RALYL: variants seen among roughly 807,000 people sequenced by gnomAD.
RALYL encodes the protein RNA-binding Raly-like protein.
A neutral mutation model predicts 35.1 loss-of-function variants in RALYL; 29 were observed. That is an observed-to-expected ratio of 0.83 (90% CI 0.61 to 1.13). RALYL has a LOEUF of 1.13. Among genes scored for constraint, RALYL ranks in the 50% most tolerant of loss-of-function variants. The pLI, the probability that RALYL is intolerant of heterozygous loss-of-function variation, is 0.00. For synonymous variants in RALYL, 120 were observed against 127.6 expected (o/e 0.94, Z 0.40); for missense variants, 359 against 360.4 (o/e 1.00, Z 0.03).
chr8:84,916,318 C>A (rs187706195), intron 8 of RALYL, among the ~76,000 whole-genome samples: 2 of 151,788 alleles, frequency 1.3e-5, no homozygotes, highest in African/African-American at 4.8e-5. Flanking sequence ...AAAATGATAT[C>A]ATTAACTCTG....
intron 4 of RALYL, among the ~76,000 whole-genome samples, chr8:84,819,418 G>A (rs1255724172): frequency 6.6e-6 from 1 of 152,116 alleles, no homozygotes; most frequent in Non-Finnish European, 1.5e-5. Flanking sequence ...TTCTGTACTT[G>A]TCAAAATCAT....
At chr8:84,852,003 G>T (rs1168964229) in intron 5 of RALYL, among the ~76,000 whole-genome samples, 1 of 152,078 alleles carries the variant, frequency 6.6e-6, no homozygotes, top group Non-Finnish European at 1.5e-5. Flanking sequence ...CACACATAGT[G>T]GATACTCTGT....
intron 1 of RALYL, among the ~76,000 whole-genome samples, chr8:84,193,293 C>T (rs1039043732): frequency 6.6e-6 from 1 of 151,890 alleles, no homozygotes; most frequent in African/African-American, 2.4e-5. Context: ...GGATGGAATC[C>T]CCTTGCAGGA....
At chr8:84,682,775 T>A (rs1478190249) in intron 2 of RALYL, among the ~76,000 whole-genome samples, 1 of 152,100 alleles carries the variant, frequency 6.6e-6, no homozygotes, top group African/African-American at 2.4e-5. Context: ...ATTTTGTTGA[T>A]CTTTTCAAAA....
At chr8:84,796,146 T>C (rs1387068675) in intron 3 of RALYL, among the ~76,000 whole-genome samples, 1 of 152,202 alleles carries the variant, frequency 6.6e-6, no homozygotes, top group African/African-American at 2.4e-5. Context: ...TTTGCGCAGA[T>C]GGAGGTGAGG....
At chr8:84,648,370 T>G (rs757474305) in intron 2 of RALYL, among the ~76,000 whole-genome samples, 27 of 152,164 alleles carry the variant, frequency 1.8e-4, no homozygotes, top group African/African-American at 5.8e-4. Context: ...GGAAGAAAAG[T>G]TTATGTTTTA....
chr8:84,912,168 T>G (rs935884891), intron 8 of RALYL, among the ~76,000 whole-genome samples: 1 of 151,798 alleles, frequency 6.6e-6, no homozygotes, highest in Non-Finnish European at 1.5e-5. Context: ...CTCATCATCA[T>G]AAACTCAAGT....
intron 2 of RALYL, among the ~76,000 whole-genome samples, chr8:84,540,669 G>C (rs984670203): frequency 3.3e-5 from 5 of 151,806 alleles, no homozygotes; most frequent in Non-Finnish European, 5.9e-5. Flanking sequence ...TCGAGGAGAT[G>C]CTGGCCTCAT....
chr8:84,853,789 A>G (rs1393774933), intron 5 of RALYL, among the ~76,000 whole-genome samples: 1 of 152,156 alleles, frequency 6.6e-6, no homozygotes, highest in East Asian at 1.9e-4. Context: ...AGTCACTACT[A>G]ATCCACAGTC....
intron 2 of RALYL, among the ~76,000 whole-genome samples, chr8:84,758,870 T>C (rs1179626284): frequency 6.6e-6 from 1 of 152,194 alleles, no homozygotes; most frequent in Non-Finnish European, 1.5e-5. Flanking sequence ...TGCAACAAAT[T>C]ACCACAAGTT....
chr8:84,208,279 T>A (rs985305987), intron 1 of RALYL, among the ~76,000 whole-genome samples: 1 of 152,164 alleles, frequency 6.6e-6, no homozygotes, highest in Non-Finnish European at 1.5e-5. Context: ...ATTTTTTAAT[T>A]TCATTGACAA....
intron 1 of RALYL, among the ~76,000 whole-genome samples, chr8:84,345,099 C>CTTT (rs762172839): frequency 2.9e-5 from 4 of 136,152 alleles, no homozygotes; most frequent in Non-Finnish European, 6.4e-5. Context: ...CTTTCTTTCT[C>CTTT]TTTTTTTTTT....
intron 1 of RALYL, among the ~76,000 whole-genome samples, chr8:84,264,445 A>C (rs1318035542): frequency 2.1e-5 from 3 of 142,536 alleles, no homozygotes; most frequent in Non-Finnish European, 4.6e-5. Context: ...CCCACTTTTT[A>C]ATGGTTTTTT....
chr8:84,792,114 C>G (rs1820925540), intron 3 of RALYL, among the ~76,000 whole-genome samples: 2 of 152,264 alleles, frequency 1.3e-5, no homozygotes, highest in Non-Finnish European at 2.9e-5. Context: ...TTACAGTGCA[C>G]TCCTTTAGCC....
chr8:84,803,667 A>G (rs771756834), intron 3 of RALYL, among the ~76,000 whole-genome samples: 2 of 152,162 alleles, frequency 1.3e-5, no homozygotes, highest in African/African-American at 4.8e-5. Flanking sequence ...TGCCATTATG[A>G]TTCACCCAAA....
intron 2 of RALYL, among the ~76,000 whole-genome samples, chr8:84,548,774 C>A (rs1190484125): frequency 6.6e-6 from 1 of 152,056 alleles, no homozygotes; most frequent in African/African-American, 2.4e-5. Context: ...TTTATTTGAG[C>A]CATTTTTTCT....
chr8:84,186,553 A>G (rs1812574880), intron 1 of RALYL, among the ~76,000 whole-genome samples: 1 of 152,200 alleles, frequency 6.6e-6, no homozygotes, highest in South Asian at 2.1e-4. Context: ...TAAGAGAATC[A>G]GTTGCTGCCC....
intron 2 of RALYL, among the ~76,000 whole-genome samples, chr8:84,715,133 A>C (rs1272461375): frequency 6.6e-6 from 1 of 151,864 alleles, no homozygotes. Context: ...TATCATTAAA[A>C]CTTTGTTTTC....
intron 5 of RALYL, among the ~76,000 whole-genome samples, chr8:84,858,256 G>T (rs923466153): frequency 1.3e-5 from 2 of 152,014 alleles, no homozygotes; most frequent in Non-Finnish European, 2.9e-5. Flanking sequence ...TCCATGAGTT[G>T]GTTTTATTAA....
Sources: gnomAD v4.1 joint callset for allele counts (sites outside exome capture counted in the v4.1 genomes callset) on GRCh38, gnomAD v4.1.1 for gene constraint, MANE v1.5 for transcripts, NCBI Gene and HGNC (gene_info 2026-07-23, HGNC 2026-07-21) for gene names.